The following MACROD2 variants were observed in gnomAD, a reference collection of about 807,000 sequenced individuals.
MACROD2 encodes the protein mono-ADP ribosylhydrolase 2, also known as ADP-ribose glycohydrolase MACROD2.
Under a neutral mutation model 70.4 loss-of-function variants are expected in MACROD2, and 36 were observed. That is an observed-to-expected ratio of 0.51 (90% CI 0.39 to 0.68). The LOEUF (loss-of-function observed/expected upper bound fraction) is 0.68. MACROD2 is among the 30% of genes least tolerant of loss of function. MACROD2 has a pLI of 0.00. For synonymous variants in MACROD2, 172 were observed against 178.8 expected (o/e 0.96, Z 0.30); for missense variants, 496 against 538.4 (o/e 0.92, Z 0.78).
chr20:14,820,724 C>A (rs561495138), intron 5 of MACROD2, among the ~76,000 whole-genome samples: 1 of 151,666 alleles, frequency 6.6e-6, no homozygotes, highest in South Asian at 2.1e-4. Flanking sequence ...TTCTTTTTTT[C>A]CCCCCTTTTT....
At chr20:15,973,517 A>G in intron 13 of MACROD2, among the ~76,000 whole-genome samples, 1 of 152,194 alleles carries the variant, frequency 6.6e-6, no homozygotes, top group Non-Finnish European at 1.5e-5. Context: ...CTTACTTTCT[A>G]AATTTCCCAA....
At chr20:14,679,355 C>T (rs773946900) in intron 4 of MACROD2, among the ~76,000 whole-genome samples, 5 of 152,076 alleles carry the variant, frequency 3.3e-5, no homozygotes, top group Admixed American at 1.3e-4. Flanking sequence ...GTGCAAAGGA[C>T]GTCATGGTGC....
chr20:15,446,297 C>T (rs2046564755), intron 7 of MACROD2, among the ~76,000 whole-genome samples: 1 of 152,274 alleles, frequency 6.6e-6, no homozygotes, highest in African/African-American at 2.4e-5. Flanking sequence ...GTTTCTTCCT[C>T]TTTATCATGA....
chr20:14,483,005 T>TGAAG (rs2084680386), intron 3 of MACROD2, among the ~76,000 whole-genome samples: 1 of 152,236 alleles, frequency 6.6e-6, no homozygotes, highest in South Asian at 2.1e-4. Context: ...ACCTACTTCA[T>TGAAG]TAGCTTCTTT....
chr20:15,816,204 A>C (rs2063872831), intron 8 of MACROD2, among the ~76,000 whole-genome samples: 1 of 152,158 alleles, frequency 6.6e-6, no homozygotes. Context: ...TAGGAAGGTC[A>C]ATGAATTGAT....
chr20:14,217,522 T>C (rs2081633350), intron 3 of MACROD2, among the ~76,000 whole-genome samples: 1 of 152,186 alleles, frequency 6.6e-6, no homozygotes, highest in Non-Finnish European at 1.5e-5. Flanking sequence ...GCTGGCTTAG[T>C]AGAATGAATT....
intron 10 of MACROD2, among the ~76,000 whole-genome samples, chr20:15,888,852 G>T (rs1409016493): frequency 6.6e-6 from 1 of 152,126 alleles, no homozygotes; most frequent in African/African-American, 2.4e-5. Context: ...TGGTGTGCAT[G>T]CTGGCTTCAT....
At chr20:14,825,723 TGA>T (rs2072894032) in intron 5 of MACROD2, among the ~76,000 whole-genome samples, 1 of 152,156 alleles carries the variant, frequency 6.6e-6, no homozygotes, top group East Asian at 1.9e-4. Flanking sequence ...TCTCTTAATA[TGA>T]GCCAATTTTC....
At chr20:15,035,523 C>G (rs2075306256) in intron 5 of MACROD2, among the ~76,000 whole-genome samples, 1 of 151,924 alleles carries the variant, frequency 6.6e-6, no homozygotes, top group South Asian at 2.1e-4. Flanking sequence ...TTGATCTTAT[C>G]TCAAGCCAGC....
intron 8 of MACROD2, among the ~76,000 whole-genome samples, chr20:15,709,356 T>C (rs2146912437): frequency 6.6e-6 from 1 of 152,264 alleles, no homozygotes; most frequent in Middle Eastern, 3.4e-3. Context: ...TTTAAAAACA[T>C]TGAAATAATA....
rs534014893 is a variant in MACROD2 at position 15,184,531 on chromosome 20, T to G, written c.419-45409T>G. 2.0e-5 allele frequency among the ~76,000 whole-genome samples: 3 copies of G among 152,324 alleles called. No individual in the cohort carries two copies. The East Asian group carries it at 5.8e-4, about 29-fold the overall frequency. On this transcript the variant is annotated intron_variant, in intron 5 of 17. Coordinates refer to ENST00000684519, the MANE Select transcript of MACROD2 (RefSeq NM_001351661.2). Reference sequence around the variant, plus strand: ...CCTGTAAGCAGTAAACTTGGGGATTTAGGGTCCTTCAAACATGTGGTTCTA... The same window carrying G: ...CCTGTAAGCAGTAAACTTGGGGATTGAGGGTCCTTCAAACATGTGGTTCTA...
intron 5 of MACROD2, among the ~76,000 whole-genome samples, chr20:15,054,082 C>A (rs2075463849): frequency 6.6e-6 from 1 of 152,170 alleles, no homozygotes; most frequent in African/African-American, 2.4e-5. Context: ...GAGGGAATTG[C>A]TTCTTACGGA....
At chr20:15,166,387 A>G (rs2076384090) in intron 5 of MACROD2, among the ~76,000 whole-genome samples, 1 of 152,170 alleles carries the variant, frequency 6.6e-6, no homozygotes, top group Admixed American at 6.5e-5. Context: ...AAATGTGAAT[A>G]TGCAAGAAGT....
intron 5 of MACROD2, among the ~76,000 whole-genome samples, chr20:15,204,301 A>G (rs538909159): frequency 2.0e-5 from 3 of 152,254 alleles, no homozygotes; most frequent in Non-Finnish European, 4.4e-5. Context: ...GCAAGTCATT[A>G]TGTGCTTTGT....
intron 4 of MACROD2, chr20:14,547,355 A>C (rs1211382958): frequency 4.3e-6 from 1 of 231,730 alleles, no homozygotes; most frequent in East Asian, 1.1e-4. Flanking sequence ...CAGATCACAT[A>C]CTCCCAGATC....
intron 12 of MACROD2, among the ~76,000 whole-genome samples, chr20:15,957,362 T>C (rs534626081): frequency 1.4e-4 from 21 of 152,338 alleles, no homozygotes; most frequent in African/African-American, 5.0e-4. Context: ...TTTTTAGTAA[T>C]GTGAAAAACA....
chr20:15,585,799 T>C (rs1445313448), intron 8 of MACROD2, among the ~76,000 whole-genome samples: 2 of 151,864 alleles, frequency 1.3e-5, no homozygotes, highest in Non-Finnish European at 2.9e-5. Context: ...TTCCTGGGAC[T>C]ACCTCAAAAA....
chr20:15,493,183 G>A (rs2047253458), intron 7 of MACROD2, among the ~76,000 whole-genome samples: 1 of 152,164 alleles, frequency 6.6e-6, no homozygotes, highest in Non-Finnish European at 1.5e-5. Context: ...CTAGAGCGCT[G>A]CCTTCTTACA....
chr20:15,070,668 C>T (rs925928067), intron 5 of MACROD2, among the ~76,000 whole-genome samples: 1 of 152,086 alleles, frequency 6.6e-6, no homozygotes, highest in Non-Finnish European at 1.5e-5. Flanking sequence ...CACACTGGCT[C>T]CCCCTTTGCC....
Sources: allele counts gnomAD v4.1 joint callset (sites outside exome capture counted in the v4.1 genomes callset), GRCh38; gene constraint gnomAD v4.1.1; transcripts MANE v1.5; gene names NCBI Gene and HGNC (gene_info 2026-07-23, HGNC 2026-07-21).